The following GNG5 variants were observed in gnomAD, a reference collection of about 807,000 sequenced individuals.
GNG5 encodes the protein G protein subunit gamma 5.
In GNG5, 2 loss-of-function variants were observed where a neutral mutation model predicts 6.2. The observed-to-expected ratio is 0.32, with a 90% CI of 0.13 to 1.01. The LOEUF (loss-of-function observed/expected upper bound fraction) is 1.01. Among genes scored for constraint, GNG5 ranks in the 50% least tolerant of loss-of-function variants. The pLI is 0.48. For synonymous variants in GNG5, 24 were observed against 33.0 expected (o/e 0.73, Z 0.93); for missense variants, 57 against 80.2 (o/e 0.71, Z 1.10).
At chr1:84,504,710 C>T (rs1277700239) in intron 2 of GNG5, among the ~76,000 whole-genome samples, 2 of 151,960 alleles carry the variant, frequency 1.3e-5, no homozygotes, top group Non-Finnish European at 2.9e-5. Flanking sequence ...AAATGGATTC[C>T]AAACTGCAGT....
At chr1:84,503,993 A>C (rs1163967047) in intron 2 of GNG5, among the ~76,000 whole-genome samples, 1 of 152,224 alleles carries the variant, frequency 6.6e-6, no homozygotes, top group Non-Finnish European at 1.5e-5. Context: ...AACTGGAACA[A>C]GCTGCTAGCC....
rs981295892 is a variant in GNG5 at position 84,506,168 on chromosome 1, G to A, written c.-77C>T. On this transcript the variant is annotated 5_prime_UTR_variant, in exon 2 of 4. Transcript: ENST00000370645. ...GGTCGGCGGGGCCAGACAACTCAGC[G>A]GCGCGCGGCGGGGGCGGGGCTCCGA... The A allele has an allele frequency of 4.3e-5, 52 of 1,200,904 alleles. No homozygotes were observed. Among genetic ancestry groups the A allele is most frequent in the African/African-American group, 1.3e-4 (8 of 63,022 alleles). The allele number at this position is 1,200,904 out of a possible 1,614,324, so 74.4% of individuals were successfully genotyped here. A position where few individuals can be genotyped will look rare whatever the true frequency, so the allele number is the denominator to read the frequency against.
At chr1:84,502,747 T>C (rs1204049546) in intron 2 of GNG5, among the ~76,000 whole-genome samples, 1 of 152,210 alleles carries the variant, frequency 6.6e-6, no homozygotes, top group Non-Finnish European at 1.5e-5. Context: ...GTGGGATAAC[T>C]AGCACATAAT....
At chr1:84,499,009 C>T (rs922891462) in intron 3 of GNG5, among the ~76,000 whole-genome samples, 23 of 152,034 alleles carry the variant, frequency 1.5e-4, no homozygotes, top group African/African-American at 7.2e-5. Flanking sequence ...AATATAACTC[C>T]GTAGGAGAAT....
In GNG5 at chr1:84,506,260, C is replaced by T. The variant is rs1682224698; in HGVS notation, c.-169G>A. 2 of 486,046 alleles carry T rather than the reference C, an allele frequency of 4.1e-6. No individual in the cohort carries two copies. Among genetic ancestry groups the T allele is most frequent in the Middle Eastern group, 6.1e-4 (2 of 3,260 alleles). The allele number at this position is 486,046 out of a possible 1,614,324, so 30.1% of individuals were successfully genotyped here. A position where few individuals can be genotyped will look rare whatever the true frequency, so the allele number is the denominator to read the frequency against. ...CCCTCGGTGCGCATGCGCGCCTTGC[C>T]AGCCCTCTGTTCCAGCTCCACACCC... is the stretch of plus-strand genomic sequence containing the variant. On this transcript the variant is annotated 5_prime_UTR_variant, in exon 2 of 4. Transcript: ENST00000370645.
chr1:84,506,152 G>GGCCAGACAACTCAGCGGC lies in GNG5; in HGVS notation c.-79_-62dup. ...TGGGTCGTGGGCCGTGGGTCGGCGG[G>GGCCAGACAACTCAGCGGC]GCCAGACAACTCAGCGGCGCGCGGC... On this transcript the variant is annotated 5_prime_UTR_variant, in exon 2 of 4. Coordinates refer to ENST00000370645, the MANE Select transcript of GNG5 (RefSeq NM_005274.3). 1 of 1,427,528 alleles carries GGCCAGACAACTCAGCGGC rather than the reference G, an allele frequency of 7.0e-7. No individual in the cohort carries two copies. Among genetic ancestry groups the GGCCAGACAACTCAGCGGC allele is most frequent in the East Asian group, 2.7e-5 (1 of 36,706 alleles). The allele number at this position is 1,427,528 out of a possible 1,614,324, so 88.4% of individuals were successfully genotyped here.
chr1:84,500,272 GC>G (rs1416317735), intron 3 of GNG5, among the ~76,000 whole-genome samples: 2 of 152,156 alleles, frequency 1.3e-5, no homozygotes, highest in East Asian at 3.8e-4. Flanking sequence ...ATGCTTTGAT[GC>G]CCAATTATTA....
At position 84,501,986 on chromosome 1, in the gene GNG5, A is replaced by AGG; in HGVS notation, c.82-18_82-17dup. On this transcript the variant is annotated splice_polypyrimidine_tract_variant and intron_variant, in intron 2 of 3. Coordinates refer to ENST00000370645, the MANE Select transcript of GNG5 (RefSeq NM_005274.3). ...CCTGGGAAACCTATACATAACAAAGAGGGGGGGAAGTGCCAGATGGTGAGA... is the reference window on the plus strand; with the variant it reads ...CCTGGGAAACCTATACATAACAAAGAGGGGGGGGGAAGTGCCAGATGGTGAGA... 6.2e-7 allele frequency: 1 copy of AGG among 1,602,292 alleles called. No individual in the cohort carries two copies. Among genetic ancestry groups the AGG allele is most frequent in the Non-Finnish European group, 8.5e-7 (1 of 1,170,660 alleles).
intron 2 of GNG5, among the ~76,000 whole-genome samples, chr1:84,503,310 G>T (rs1014629848): frequency 7.9e-5 from 12 of 152,138 alleles, no homozygotes; most frequent in Admixed American, 2.0e-4. Flanking sequence ...TGGCCTCAGG[G>T]AATTAATAGC....
intron 3 of GNG5, among the ~76,000 whole-genome samples, chr1:84,501,465 T>C (rs2101891113): frequency 1.3e-5 from 2 of 151,972 alleles, no homozygotes; most frequent in South Asian, 4.2e-4. Context: ...AAAAACTGTC[T>C]AAATATTTGC....
Position 84,500,687 on chromosome 1 carries a change from AG to A in GNG5, c.*19+1138del, listed in dbSNP as rs376476404. Reference sequence around the variant, plus strand: ...TTGTGCACATGACACCTGTTTTCAAAGGGCTTTTTTTCCCCCTGGTATTTCA... The same window carrying A: ...TTGTGCACATGACACCTGTTTTCAAAGGCTTTTTTTCCCCCTGGTATTTCA... On this transcript the variant is annotated intron_variant, in intron 3 of 3. Coordinates refer to ENST00000370645, the MANE Select transcript of GNG5 (RefSeq NM_005274.3). Among the ~76,000 whole-genome samples, 94 of 152,280 alleles carry A rather than the reference AG, an allele frequency of 6.2e-4. No individual in the cohort carries two copies. In the East Asian group the frequency reaches 0.016, roughly 26 times the overall value.
rs374313539 is a variant in GNG5, at chr1:84,505,871, C to G, written c.81+140G>C. 2.4e-3 allele frequency: 1,246 copies of G among 526,124 alleles called. 38 individuals carry two copies. In the East Asian group the frequency reaches 0.048, roughly 20 times the overall value. 32.6% of individuals were successfully genotyped at this position (526,124 alleles called of 1,614,324 possible). On this transcript the variant is annotated intron_variant, in intron 2 of 3. Coordinates refer to ENST00000370645, the MANE Select transcript of GNG5 (RefSeq NM_005274.3). ...GCCTGCTCTAAAGCTGGCCGCTCCC[C>G]GATCGCCGCCGCTGAGCGCGCGTCC... is the stretch of plus-strand genomic sequence containing the variant.
chr1:84,506,356 G>T, intron 1 of GNG5, 55 bp from the exon 2 acceptor site: 2 of 352,890 alleles, frequency 5.7e-6, no homozygotes, highest in South Asian at 4.8e-5. Context: ...GCGGCTGCTG[G>T]AGGCTAGCGC....
Position 84,506,053 on chromosome 1 carries a change from C to T in GNG5, c.39G>A (p.Val13=). 6.3e-7 allele frequency: 1 copy of T among 1,577,700 alleles called. No homozygotes were observed. Among genetic ancestry groups the T allele is most frequent in the Non-Finnish European group, 8.6e-7 (1 of 1,164,040 alleles). The change falls in exon 2 of 4, where the codon GTG becomes GTA. Residue 13 remains valine, a synonymous_variant. Transcript: ENST00000370645. ...GSSSVAAMKK[V]VQQLRLEAGL... ...CGGCCTCCAGCCGGAGCTGTTGAAC[C>T]ACTTTCTTCATAGCGGCGACGCTGG...
At chr1:84,501,721 G>A (rs1199988494) in intron 3 of GNG5, 105 bp downstream of exon 3, 2 of 671,422 alleles carry the variant, frequency 3.0e-6, no homozygotes, top group Non-Finnish European at 5.2e-6. Context: ...TGGAAATGGA[G>A]GGCCAAAGGA....
intron 2 of GNG5, among the ~76,000 whole-genome samples, chr1:84,505,694 G>A (rs1185651486): frequency 6.6e-6 from 1 of 152,222 alleles, no homozygotes; most frequent in Non-Finnish European, 1.5e-5. Context: ...CTGTTGGTGA[G>A]ACCAGCCGAG....
At position 84,506,309 on chromosome 1, in the gene GNG5, A is replaced by G; in HGVS notation, c.-210-8T>C. 1 of 405,082 alleles carries G rather than the reference A, an allele frequency of 2.5e-6. No homozygotes were observed. The highest frequency in any genetic ancestry group is 4.4e-6 in the Non-Finnish European group (1 of 225,628). The allele number at this position is 405,082 out of a possible 1,614,324, so 25.1% of individuals were successfully genotyped here. A position where few individuals can be genotyped will look rare whatever the true frequency, so the allele number is the denominator to read the frequency against. ...CCGGCCCCGAGCGCGAGCCTGGAGG[A>G]GGGGGAGGAGAAGGGGCGGAGCAGT... On this transcript the variant is annotated splice_polypyrimidine_tract_variant and splice_region_variant and intron_variant, in intron 1 of 3. Coordinates refer to ENST00000370645, the MANE Select transcript of GNG5 (RefSeq NM_005274.3).
chr1:84,500,452 A>G (rs1436871439), intron 3 of GNG5, among the ~76,000 whole-genome samples: 1 of 152,236 alleles, frequency 6.6e-6, no homozygotes, highest in Non-Finnish European at 1.5e-5. Flanking sequence ...AAGTAAAACT[A>G]TTAACAGCTG....
At chr1:84,506,363 G>C (rs1486808822) in intron 1 of GNG5, 62 bp from the exon 2 acceptor site, 1 of 338,328 alleles carries the variant, frequency 3.0e-6, no homozygotes, top group South Asian at 5.1e-5. Flanking sequence ...CTGGAGGCTA[G>C]CGCGACCCGA....
Sources: allele counts gnomAD v4.1 joint callset (sites outside exome capture counted in the v4.1 genomes callset), GRCh38; gene constraint gnomAD v4.1.1; transcripts MANE v1.5; gene names NCBI Gene and HGNC (gene_info 2026-07-23, HGNC 2026-07-21).